The following PAPPA2 variants were observed in gnomAD, a reference collection of about 807,000 sequenced individuals.
The protein encoded by PAPPA2 is pappalysin-2.
A neutral mutation model predicts 176.4 loss-of-function variants in PAPPA2; 86 were observed. That is an observed-to-expected ratio of 0.49 (90% CI 0.41 to 0.58). The LOEUF is 0.58. PAPPA2 is among the 20% of genes least tolerant of loss of function. The probability of loss-of-function intolerance (pLI) is 0.00; values close to 1 mark genes in which losing one functional copy is unlikely to be tolerated. For synonymous variants in PAPPA2, 809 were observed against 852.2 expected (o/e 0.95, Z 0.88); for missense variants, 2,073 against 2,256.9 (o/e 0.92, Z 1.65).
intron 1 of PAPPA2, among the ~76,000 whole-genome samples, chr1:176,505,865 A>T (rs1423909051): frequency 6.6e-6 from 1 of 152,112 alleles, no homozygotes; most frequent in African/African-American, 2.4e-5. Flanking sequence ...GAATACTTGA[A>T]CATGCATGCA....
Position 176,623,631 on chromosome 1 carries a change from CTTT to C in PAPPA2, c.1991+28037_1991+28039del, listed in dbSNP as rs1655752976. 4.1e-4 allele frequency among the ~76,000 whole-genome samples: 11 copies of C among 27,104 alleles called. No individual in the cohort carries two copies. The East Asian group carries it at 0.012, about 30-fold the overall frequency. The allele number at this position is 27,104 out of a possible 152,430, so 17.8% of individuals were successfully genotyped here. On this transcript the variant is annotated intron_variant, in intron 3 of 22. Coordinates refer to ENST00000367662, the MANE Select transcript of PAPPA2 (RefSeq NM_020318.3). ...CCTTCCTTCCTTCCTTCCTTTTTTA[CTTT>C]CTTTCTTTCTTTCTTTCTTTCTTTC...
At chr1:176,486,063 C>A (rs1055953655) in intron 1 of PAPPA2, among the ~76,000 whole-genome samples, 35 of 152,182 alleles carry the variant, frequency 2.3e-4, no homozygotes, top group Non-Finnish European at 4.7e-4. Context: ...TATATAAATT[C>A]ATCTTGGTGT....
chr1:176,692,473 G>A (rs1204161729), intron 6 of PAPPA2, among the ~76,000 whole-genome samples, 155 bp downstream of exon 6: 2 of 152,226 alleles, frequency 1.3e-5, no homozygotes, highest in South Asian at 2.1e-4. Context: ...CTCTGTTCTC[G>A]TTGCTTTAGC....
intron 4 of PAPPA2, among the ~76,000 whole-genome samples, chr1:176,681,683 G>A (rs1659592200): frequency 6.6e-6 from 1 of 152,136 alleles, no homozygotes; most frequent in African/African-American, 2.4e-5. Context: ...TGTGCCTTCA[G>A]CCTCACACCA....
At chr1:176,613,296 A>T (rs557445693) in intron 3 of PAPPA2, among the ~76,000 whole-genome samples, 1 of 152,246 alleles carries the variant, frequency 6.6e-6, no homozygotes, top group African/African-American at 2.4e-5. Flanking sequence ...TCTGAAAGAC[A>T]TAATTAGCCC....
In PAPPA2 at chr1:176,809,257, T is replaced by C. The variant is rs535394951; in HGVS notation, c.5202+9125T>C. Among the ~76,000 whole-genome samples, 4 of 152,358 alleles carry C rather than the reference T, an allele frequency of 2.6e-5. No homozygotes were observed. The South Asian group carries it at 8.3e-4, about 32-fold the overall frequency. On this transcript the variant is annotated intron_variant, in intron 21 of 22. Coordinates refer to ENST00000367662, the MANE Select transcript of PAPPA2 (RefSeq NM_020318.3). ...AGAGATATTTTATGTGTCATTATCA[T>C]CTGACTACTACTTCCAAAGGAATTT...
At position 176,670,977 on chromosome 1, in the gene PAPPA2, A is replaced by G; in HGVS notation, c.1999A>G (p.Met667Val). 6.2e-7 allele frequency: 1 copy of G among 1,613,806 alleles called. No homozygotes were observed. Among genetic ancestry groups the G allele is most frequent in the Non-Finnish European group, 8.5e-7 (1 of 1,179,804 alleles). Residue 667 changes from methionine to valine, a missense_variant, in exon 4 of 23, where the codon ATG becomes GTG. By Grantham distance (21) the Met-to-Val change is conservative. This residue lies in a region of PAPPA2 where 1,196 missense variants were observed against 1,330.4 expected (regional missense o/e 0.90). Coordinates refer to ENST00000367662, the MANE Select transcript of PAPPA2 (RefSeq NM_020318.3). ...ATCTTGCATGCTCTCTAGGGCATAC[A>G]TGAGTGTGAAGGAGCTGAAGGAGGC... Reference protein sequence around the residue: ...FDPDSPKRAYMSVKELKEALQ... With the variant: ...FDPDSPKRAYVSVKELKEALQ...
chr1:176,763,811 C>G (rs187994394), intron 14 of PAPPA2, among the ~76,000 whole-genome samples: 11 of 152,192 alleles, frequency 7.2e-5, no homozygotes, highest in Admixed American at 2.0e-4. Flanking sequence ...CTGGGAAGTT[C>G]AAAGGAAGAG....
intron 20 of PAPPA2, among the ~76,000 whole-genome samples, chr1:176,796,039 C>T (rs1261428777): frequency 6.6e-6 from 1 of 152,166 alleles, no homozygotes; most frequent in Non-Finnish European, 1.5e-5. Context: ...ACCAAATGAC[C>T]TCACTCTTCC....
At chr1:176,708,407 G>A (rs926463250) in intron 10 of PAPPA2, among the ~76,000 whole-genome samples, 3 of 151,872 alleles carry the variant, frequency 2.0e-5, no homozygotes, top group South Asian at 4.1e-4. Flanking sequence ...AAAGTATTCC[G>A]ATGAATTTGA....
intron 7 of PAPPA2, 148 bp downstream of exon 7, chr1:176,696,007 T>TG (rs1558525930): frequency 1.7e-5 from 17 of 1,019,786 alleles, no homozygotes; most frequent in African/African-American, 5.1e-5. Context: ...TGTGTGTGTG[T>TG]TTTGCTGGAT....
At chr1:176,537,633 G>GT (rs1480922787) in intron 1 of PAPPA2, among the ~76,000 whole-genome samples, 2 of 151,994 alleles carry the variant, frequency 1.3e-5, no homozygotes, top group Non-Finnish European at 2.9e-5. Flanking sequence ...TTCCTTCTTT[G>GT]TTGAGCAGTT....
intron 1 of PAPPA2, among the ~76,000 whole-genome samples, chr1:176,504,929 A>G (rs1211556623): frequency 6.6e-6 from 1 of 152,150 alleles, no homozygotes; most frequent in Non-Finnish European, 1.5e-5. Context: ...GGTGGGCAGC[A>G]TAAGTGAGAA....
intron 18 of PAPPA2, among the ~76,000 whole-genome samples, chr1:176,790,708 G>A (rs1286027575): frequency 6.6e-6 from 1 of 152,158 alleles, no homozygotes; most frequent in Non-Finnish European, 1.5e-5. Flanking sequence ...GATGAAGGGA[G>A]GGCTACCTAC....
chr1:176,713,973 A>C (rs1312899314), intron 12 of PAPPA2, among the ~76,000 whole-genome samples: 1 of 152,160 alleles, frequency 6.6e-6, no homozygotes, highest in African/African-American at 2.4e-5. Flanking sequence ...CTGGCCTAAA[A>C]CAATTAATTA....
intron 14 of PAPPA2, among the ~76,000 whole-genome samples, chr1:176,763,992 G>T (rs1663815123): frequency 6.6e-6 from 1 of 152,144 alleles, no homozygotes; most frequent in African/African-American, 2.4e-5. Context: ...CGGCTTTCTT[G>T]CTGTGTCATA....
chr1:176,559,231 C>T (rs1046885232), intron 2 of PAPPA2, among the ~76,000 whole-genome samples: 1 of 152,206 alleles, frequency 6.6e-6, no homozygotes, highest in Non-Finnish European at 1.5e-5. Flanking sequence ...TGCAGACTGT[C>T]TAGCTTCTGA....
At chr1:176,838,392 T>G (rs777390099) in intron 21 of PAPPA2, among the ~76,000 whole-genome samples, 3 of 152,128 alleles carry the variant, frequency 2.0e-5, no homozygotes, top group African/African-American at 2.4e-5. Context: ...TATAGACAAT[T>G]ACATGGAAAA....
chr1:176,721,653 T>C (rs1386818386), intron 12 of PAPPA2, among the ~76,000 whole-genome samples: 1 of 152,206 alleles, frequency 6.6e-6, no homozygotes, highest in Non-Finnish European at 1.5e-5. Context: ...ATATATTTCT[T>C]TGAAGGCCAT....
Sources: allele counts gnomAD v4.1 joint callset (sites outside exome capture counted in the v4.1 genomes callset), GRCh38; gene constraint gnomAD v4.1.1; regional missense constraint gnomAD v4.1.1; transcripts MANE v1.5; gene names NCBI Gene and HGNC (gene_info 2026-07-23, HGNC 2026-07-21).